The following PLCL1 variants were observed in gnomAD, a reference collection of about 807,000 sequenced individuals.
PLCL1 encodes inactive phospholipase C-like protein 1.
Under a neutral mutation model 84.4 loss-of-function variants are expected in PLCL1, and 41 were observed. The ratio of observed to expected loss-of-function variants is 0.49; its 90% CI spans 0.38 to 0.63. PLCL1 has a LOEUF of 0.63. PLCL1 is among the 30% of genes least tolerant of loss of function. PLCL1 has a pLI of 0.00. For missense variants in PLCL1, 1,206 were observed against 1,367.8 expected, an observed-to-expected ratio of 0.88 and a Z score of 1.87; for synonymous variants, 490 against 488.3, an observed-to-expected ratio of 1.00 and a Z score of -0.05.
intron 1 of PLCL1, among the ~76,000 whole-genome samples, chr2:197,983,345 T>C (rs1421483652): frequency 2.0e-5 from 3 of 151,098 alleles, no homozygotes; most frequent in African/African-American, 7.3e-5. Flanking sequence ...TCTTCTCATC[T>C]CAGCCTCCTG....
chr2:197,809,448 G>T (rs1051998610), intron 1 of PLCL1, among the ~76,000 whole-genome samples: 7 of 152,188 alleles, frequency 4.6e-5, no homozygotes, highest in African/African-American at 1.2e-4. Context: ...AGGTCCTATG[G>T]TTTGTGGGGT....
At position 198,062,055 on chromosome 2, in the gene PLCL1, T is replaced by C. The variant is rs115574225; in HGVS notation, c.241-21703T>C. Reference sequence around the variant, plus strand: ...TCCCTTCCTCTTCATCTGAGTACATTGAACTGCTACAATTCATTAGTCAGA... The same window carrying C: ...TCCCTTCCTCTTCATCTGAGTACATCGAACTGCTACAATTCATTAGTCAGA... On this transcript the variant is annotated intron_variant, in intron 1 of 5. Transcript: ENST00000428675. Among the ~76,000 whole-genome samples the C allele has an allele frequency of 4.4e-3, 677 of 152,322 alleles. 5 individuals carry two copies. Among genetic ancestry groups the C allele is most frequent in the African/African-American group, 0.016 (648 of 41,578 alleles).
Position 198,085,969 on chromosome 2 carries a change from T to G in PLCL1, c.2452T>G (p.Cys818Gly). 1.9e-6 allele frequency: 3 copies of G among 1,614,166 alleles called. No individual in the cohort carries two copies. The highest frequency in any genetic ancestry group is 2.5e-6 in the Non-Finnish European group (3 of 1,180,006). ...AGGGCAATATACGATACCATTTGAA[T>G]GTTTGCAGCCTGGATATCGGCATGT... ...FIGQYTIPFE[C>G]LQPGYRHVPL... The change falls in exon 2 of 6, where the codon TGT becomes GGT. Residue 818 changes from cysteine (C) to glycine (G), a missense_variant. Coordinates refer to ENST00000428675, the MANE Select transcript of PLCL1 (RefSeq NM_006226.4). This position sits in a 1 kb window ranked among gnomAD's most constrained non-coding sequence, Gnocchi z 5.3.
intron 1 of PLCL1, chr2:198,002,109 C>T (rs113221679): frequency 8.7e-4 from 213 of 244,466 alleles, no homozygotes; most frequent in African/African-American, 4.1e-3. Flanking sequence ...AAACCATCTC[C>T]ACCCCCTGGT....
chr2:198,110,518 C>T (rs1693593513), intron 5 of PLCL1, among the ~76,000 whole-genome samples: 1 of 151,814 alleles, frequency 6.6e-6, no homozygotes, highest in Non-Finnish European at 1.5e-5. Context: ...AGCCTGAAAA[C>T]ACATTTGAAG....
intron 1 of PLCL1, among the ~76,000 whole-genome samples, chr2:198,068,222 GTTTCA>G (rs1238211462): frequency 6.6e-6 from 1 of 152,090 alleles, no homozygotes; most frequent in Non-Finnish European, 1.5e-5. Flanking sequence ...ATTATAAATG[GTTTCA>G]TTAAGTACTT....
intron 5 of PLCL1, 43 bp downstream of exon 5, chr2:198,103,979 TCTC>T (rs1362621637): frequency 1.1e-6 from 1 of 877,274 alleles, no homozygotes; most frequent in Non-Finnish European, 1.8e-6. Context: ...TTACTTTTCT[TCTC>T]CTCATCTCTC....
Position 197,933,270 on chromosome 2 carries a change from T to C in PLCL1, c.240+127931T>C, listed in dbSNP as rs561417318. Among the ~76,000 whole-genome samples, 37 of 147,984 alleles carry C rather than the reference T, an allele frequency of 2.5e-4. 1 individual carries two copies. The highest frequency in any genetic ancestry group is 6.4e-4 in the South Asian group (3 of 4,674). ...GTTTCTTTTTTTTTTCTTTTCTTTT[T>C]TTTTTTTTTTTGAGACGGAGTCTCT... On this transcript the variant is annotated intron_variant, in intron 1 of 5. Transcript: ENST00000428675.
intron 1 of PLCL1, among the ~76,000 whole-genome samples, chr2:197,962,545 G>A (rs1161158962): frequency 6.6e-6 from 1 of 151,902 alleles, no homozygotes; most frequent in Non-Finnish European, 1.5e-5. Context: ...ATCACATCAG[G>A]GTAAGTGGAG....
chr2:197,941,606 T>C (rs551176262), intron 1 of PLCL1, among the ~76,000 whole-genome samples: 5 of 152,222 alleles, frequency 3.3e-5, no homozygotes, highest in South Asian at 2.1e-4. Flanking sequence ...TGGTTGAAAA[T>C]TGATTAAATA....
chr2:198,055,329 C>CTCTCTG (rs374518934), intron 1 of PLCL1, among the ~76,000 whole-genome samples: 1,753 of 112,266 alleles, frequency 0.016, 21 homozygotes, highest in African/African-American at 0.026. Context: ...CTCTCTCTCT[C>CTCTCTG]TGTGTGTGTG....
At chr2:197,861,177 A>T (rs1279865681) in intron 1 of PLCL1, among the ~76,000 whole-genome samples, 2 of 152,172 alleles carry the variant, frequency 1.3e-5, no homozygotes, top group Admixed American at 1.3e-4. Flanking sequence ...ATGTAGTTGG[A>T]ACTGTTTAAG....
intron 1 of PLCL1, among the ~76,000 whole-genome samples, chr2:197,906,091 T>C (rs901951229): frequency 1.3e-5 from 2 of 152,222 alleles, no homozygotes; most frequent in African/African-American, 4.8e-5. Flanking sequence ...TTTGTCAATT[T>C]TGGCTTTTGT....
In PLCL1 at chr2:198,023,754, C is replaced by A. The variant is rs190056073; in HGVS notation, c.241-60004C>A. 2.1e-3 allele frequency among the ~76,000 whole-genome samples: 321 copies of A among 152,246 alleles called. 1 individual carries two copies. Among genetic ancestry groups the A allele is most frequent in the African/African-American group, 7.4e-3 (309 of 41,540 alleles). On this transcript the variant is annotated intron_variant, in intron 1 of 5. Transcript: ENST00000428675. ...TTAAAAAGTCAGGAAACAATAGATG[C>A]AGGAGAGGCTGTGGAGAAATAGGAA...
chr2:197,945,994 AC>A (rs1484144819), intron 1 of PLCL1, among the ~76,000 whole-genome samples: 4 of 152,184 alleles, frequency 2.6e-5, no homozygotes, highest in African/African-American at 9.6e-5. Context: ...TGATAATTTA[AC>A]AAATATAAAT....
intron 1 of PLCL1, among the ~76,000 whole-genome samples, chr2:197,897,530 A>G (rs1206955666): frequency 1.3e-5 from 2 of 152,152 alleles, no homozygotes; most frequent in African/African-American, 4.8e-5. Flanking sequence ...TATCAGAATA[A>G]TAAGGGTACC....
chr2:198,052,880 G>A (rs1241895564), intron 1 of PLCL1, among the ~76,000 whole-genome samples: 2 of 152,154 alleles, frequency 1.3e-5, no homozygotes, highest in Non-Finnish European at 2.9e-5. Context: ...TTCCTAGCCT[G>A]GAAGAAGACT....
chr2:198,012,550 A>G (rs1690893873), intron 1 of PLCL1, among the ~76,000 whole-genome samples: 1 of 151,850 alleles, frequency 6.6e-6, no homozygotes, highest in Non-Finnish European at 1.5e-5. Flanking sequence ...CATTTAAGCT[A>G]TTTACATTTA....
At chr2:198,086,318 T>A (rs1240684136) in intron 2 of PLCL1, 86 bp downstream of exon 2, 1 of 958,452 alleles carries the variant, frequency 1.0e-6, no homozygotes, top group Non-Finnish European at 1.6e-6. Context: ...TTTGCAAAAA[T>A]TTATCAGAAA....
Sources: allele counts gnomAD v4.1 joint callset (sites outside exome capture counted in the v4.1 genomes callset), GRCh38; gene constraint gnomAD v4.1.1; non-coding constraint Gnocchi (gnomAD v3.1); transcripts MANE v1.5; gene names NCBI Gene and HGNC (gene_info 2026-07-23, HGNC 2026-07-21).